The following SIPA1L1 variants were observed in gnomAD, a reference collection of about 807,000 sequenced individuals.
SIPA1L1 encodes signal-induced proliferation-associated 1-like protein 1.
Under a neutral mutation model 162.7 loss-of-function variants are expected in SIPA1L1, and 26 were observed. The ratio of observed to expected loss-of-function variants is 0.16; its 90% CI spans 0.12 to 0.22. The LOEUF is 0.22. Ranked by LOEUF, SIPA1L1 falls within the 10% of genes least tolerant of loss-of-function variation. SIPA1L1 has a pLI of 1.00. For synonymous variants in SIPA1L1, 829 were observed against 837.4 expected, an observed-to-expected ratio of 0.99 and a Z score of 0.17; for missense variants, 1,874 against 2,241.0, an observed-to-expected ratio of 0.84 and a Z score of 3.31.
At chr14:71,526,112 A>G (rs1358455377) in intron 3 of SIPA1L1, among the ~76,000 whole-genome samples, 1 of 152,218 alleles carries the variant, frequency 6.6e-6, no homozygotes, top group Non-Finnish European at 1.5e-5. Flanking sequence ...CAGTGTTTGA[A>G]TCTGGGTATA....
At chr14:71,542,240 G>GCTCCTC (rs373488843) in intron 4 of SIPA1L1, among the ~76,000 whole-genome samples, 1 of 151,066 alleles carries the variant, frequency 6.6e-6, no homozygotes, top group African/African-American at 2.4e-5. Flanking sequence ...ACCATGCCTG[G>GCTCCTC]CTCCTCCTCC....
chr14:71,446,894 G>GGTTTTTTTTTTTTTTTTTTT (rs2045394010), intron 2 of SIPA1L1, among the ~76,000 whole-genome samples: 1 of 87,406 alleles, frequency 1.1e-5, no homozygotes, highest in African/African-American at 4.4e-5. Context: ...GATGGGCTCT[G>GGTTTTTTTTTTTTTTTTTTT]TTTTTTTTTT....
intron 5 of SIPA1L1, among the ~76,000 whole-genome samples, chr14:71,609,291 C>T (rs1009188916): frequency 6.6e-6 from 1 of 152,070 alleles, no homozygotes; most frequent in Non-Finnish European, 1.5e-5. Context: ...CTATTTGAGA[C>T]TGGGTCTTGC....
intron 7 of SIPA1L1, among the ~76,000 whole-genome samples, chr14:71,629,630 T>C (rs978330799): frequency 2.0e-5 from 3 of 152,194 alleles, no homozygotes; most frequent in Non-Finnish European, 1.5e-5. Context: ...GTAGAGAAAA[T>C]TGGTAGTTCT....
intron 7 of SIPA1L1, among the ~76,000 whole-genome samples, chr14:71,644,812 C>A (rs948955604): frequency 2.6e-5 from 4 of 152,112 alleles, no homozygotes; most frequent in African/African-American, 9.7e-5. Context: ...ACAGGCTCCC[C>A]TTTATATTTT....
intron 5 of SIPA1L1, among the ~76,000 whole-genome samples, chr14:71,593,912 A>G (rs1022659390): frequency 6.6e-6 from 1 of 152,210 alleles, no homozygotes; most frequent in Non-Finnish European, 1.5e-5. Context: ...TCTACTGCAC[A>G]CTGCCCAGGA....
intron 2 of SIPA1L1, among the ~76,000 whole-genome samples, chr14:71,454,283 T>C (rs770014007): frequency 3.9e-5 from 6 of 152,194 alleles, no homozygotes; most frequent in Non-Finnish European, 8.8e-5. Context: ...TCTGATCTTA[T>C]GATTTTACTT....
intron 12 of SIPA1L1, among the ~76,000 whole-genome samples, chr14:71,682,920 G>C (rs1022772962): frequency 6.6e-6 from 1 of 152,234 alleles, no homozygotes; most frequent in Non-Finnish European, 1.5e-5. Context: ...TTGGGAGACC[G>C]AGGCAGGTAC....
intron 3 of SIPA1L1, among the ~76,000 whole-genome samples, chr14:71,525,223 C>A (rs957416753): frequency 1.3e-5 from 2 of 151,858 alleles, no homozygotes; most frequent in Non-Finnish European, 2.9e-5. Context: ...CTCACTCTTG[C>A]CTAGGCTGGA....
At chr14:71,325,963 T>C (rs2033742194) in intron 2 of SIPA1L1, among the ~76,000 whole-genome samples, 1 of 152,110 alleles carries the variant, frequency 6.6e-6, no homozygotes, top group African/African-American at 2.4e-5. Flanking sequence ...GGAGGGAGAA[T>C]TGCTGGTTCA....
At chr14:71,738,385 G>C in intron 23 of SIPA1L1, 60 bp downstream of exon 23, 1 of 1,161,796 alleles carries the variant, frequency 8.6e-7, no homozygotes, top group Non-Finnish European at 1.3e-6. Context: ...TGAACCATGA[G>C]AGCCCTTTCT....
In SIPA1L1 at chr14:71,588,029, C is replaced by T; in HGVS notation, c.157C>T (p.Pro53Ser). 2 of 1,614,102 alleles carry T rather than the reference C, an allele frequency of 1.2e-6. No individual in the cohort carries two copies. The highest frequency in any genetic ancestry group is 1.7e-6 in the Non-Finnish European group (2 of 1,179,986). Residue 53 changes from proline (P) to serine (S), a missense_variant, in exon 5 of 24, where the codon CCT (proline) becomes TCT (serine). Physicochemically the swap from Pro to Ser is moderately conservative, Grantham distance 74. Around this residue, in one of 5 missense-constraint regions of SIPA1L1, gnomAD observed 685 missense variants for 828.0 expected, o/e 0.83. Transcript: ENST00000381232. This position sits in a 1 kb window ranked among gnomAD's most constrained non-coding sequence, Gnocchi z 4.3. ...CAGCTTAGGATCATCAGTTATGGCT[C>T]CTGTAGGACCCCCCCGAAGTGAAGG... ...NGSLGSSVMA[P>S]VGPPRSEGSH...
At position 71,624,445 on chromosome 14, in the gene SIPA1L1, A is replaced by G. The variant is rs75892877; in HGVS notation, c.1818+209A>G. ...TGAAATTCTGCATGTCAGAATTTAT[A>G]AATAAGGCACTTTAAACTACGTTAA... On this transcript the variant is annotated intron_variant, in intron 7 of 23. Coordinates refer to ENST00000381232, the MANE Select transcript of SIPA1L1 (RefSeq NM_001386936.1). Among the ~76,000 whole-genome samples the G allele has an allele frequency of 3.0e-3, 462 of 152,342 alleles. 1 individual carries two copies. The highest frequency in any genetic ancestry group is 5.6e-3 in the Non-Finnish European group (378 of 68,028).
intron 2 of SIPA1L1, among the ~76,000 whole-genome samples, chr14:71,430,185 C>T (rs1567013579): frequency 6.6e-6 from 1 of 152,160 alleles, no homozygotes; most frequent in Admixed American, 6.5e-5. Context: ...ATAGGCACAC[C>T]ACCTCCTCTA....
At chr14:71,472,003 G>A (rs566026980) in intron 2 of SIPA1L1, among the ~76,000 whole-genome samples, 12 of 152,274 alleles carry the variant, frequency 7.9e-5, no homozygotes, top group Non-Finnish European at 7.4e-5. Context: ...TGTTTGTATC[G>A]TACCTTCATA....
chr14:71,660,711 C>A (rs565713660), intron 9 of SIPA1L1, among the ~76,000 whole-genome samples: 2 of 152,210 alleles, frequency 1.3e-5, no homozygotes, highest in Admixed American at 1.3e-4. Flanking sequence ...TGAAAGCCAC[C>A]CATCCAAAAC....
At chr14:71,609,435 ATATTTTATT>A (rs1243552096) in intron 5 of SIPA1L1, among the ~76,000 whole-genome samples, 16 of 140,444 alleles carry the variant, frequency 1.1e-4, no homozygotes, top group African/African-American at 4.4e-4. Context: ...TGCCCAGCTA[ATATTTTATT>A]TATTTATTTA....
At chr14:71,535,835 C>G (rs1025790573) in intron 4 of SIPA1L1, among the ~76,000 whole-genome samples, 2 of 152,098 alleles carry the variant, frequency 1.3e-5, no homozygotes, top group Non-Finnish European at 2.9e-5. Context: ...TTTTCAAACT[C>G]CTGGCCTCAA....
intron 12 of SIPA1L1, among the ~76,000 whole-genome samples, chr14:71,682,653 C>G (rs1309843030): frequency 2.0e-5 from 3 of 152,216 alleles, no homozygotes; most frequent in African/African-American, 7.2e-5. Context: ...GGGAAGACAG[C>G]GTCTTTGGCC....
Sources: allele counts gnomAD v4.1 joint callset (sites outside exome capture counted in the v4.1 genomes callset), GRCh38; gene constraint gnomAD v4.1.1; regional missense constraint gnomAD v4.1.1; non-coding constraint Gnocchi (gnomAD v3.1); transcripts MANE v1.5; gene names NCBI Gene and HGNC (gene_info 2026-07-23, HGNC 2026-07-21).